Variants in SH3BP5 observed in about 807,000 individuals in gnomAD.
SH3BP5 encodes the protein SH3 domain binding protein 5.
A neutral mutation model predicts 43.3 loss-of-function variants in SH3BP5; 22 were observed. The ratio of observed to expected loss-of-function variants is 0.51; its 90% CI spans 0.36 to 0.73. The LOEUF is 0.73. SH3BP5 is among the 30% of genes least tolerant of loss of function. The pLI, the probability that SH3BP5 is intolerant of heterozygous loss-of-function variation, is 0.00. For missense variants in SH3BP5, 529 were observed against 586.9 expected, an observed-to-expected ratio of 0.90 and a Z score of 1.02; for synonymous variants, 255 against 225.8, an observed-to-expected ratio of 1.13 and a Z score of -1.16.
chr3:15,327,031 C>T (rs920395412), intron 2 of SH3BP5, among the ~76,000 whole-genome samples: 3 of 152,176 alleles, frequency 2.0e-5, no homozygotes, highest in African/African-American at 7.2e-5. Flanking sequence ...GTTCCGTATT[C>T]ACTAATTCAG....
intron 3 of SH3BP5, among the ~76,000 whole-genome samples, chr3:15,283,575 T>A (rs769238053): frequency 1.3e-5 from 2 of 152,214 alleles, no homozygotes; most frequent in Non-Finnish European, 2.9e-5. Flanking sequence ...ATGGCCCCAA[T>A]AGCCTGTTAG....
chr3:15,301,724 G>A (rs1225601614), intron 3 of SH3BP5, among the ~76,000 whole-genome samples: 1 of 152,104 alleles, frequency 6.6e-6, no homozygotes, highest in Non-Finnish European at 1.5e-5. Flanking sequence ...CAGAGGGAAA[G>A]GCAAGTCCAA....
At chr3:15,330,830 T>C (rs575974162) in intron 1 of SH3BP5, 405 of 783,938 alleles carry the variant, frequency 5.2e-4, no homozygotes, top group Middle Eastern at 6.4e-4. Context: ...CTATTCCAGG[T>C]ACATGCCTTC....
intron 3 of SH3BP5, among the ~76,000 whole-genome samples, chr3:15,300,017 C>A (rs562094586): frequency 6.6e-6 from 1 of 152,210 alleles, no homozygotes; most frequent in Non-Finnish European, 1.5e-5. Context: ...CATCACCCCC[C>A]CAAATACTTT....
At chr3:15,327,127 C>T (rs546054045) in intron 2 of SH3BP5, among the ~76,000 whole-genome samples, 103 of 152,236 alleles carry the variant, frequency 6.8e-4, no homozygotes, top group Middle Eastern at 3.4e-3. Flanking sequence ...CTTTGGGAGG[C>T]TGAGACAGCA....
intron 4 of SH3BP5, among the ~76,000 whole-genome samples, chr3:15,263,455 G>C (rs181148869): frequency 1.9e-4 from 29 of 152,346 alleles, no homozygotes; most frequent in Non-Finnish European, 2.6e-4. Flanking sequence ...GTGCACAGAA[G>C]AACTCAGGAT....
At chr3:15,286,748 G>A (rs907171766) in intron 3 of SH3BP5, among the ~76,000 whole-genome samples, 1 of 152,056 alleles carries the variant, frequency 6.6e-6, no homozygotes, top group Non-Finnish European at 1.5e-5. Flanking sequence ...GTTTTGCCAC[G>A]TTGCCCAGGC....
chr3:15,304,426 T>A, intron 2 of SH3BP5, 195 bp from the exon 3 acceptor site: 1 of 810,452 alleles, frequency 1.2e-6, no homozygotes, highest in Non-Finnish European at 2.0e-6. Context: ...CGTCCTGTGC[T>A]CTGCACAGTG....
chr3:15,314,364 C>T (rs1458702536), intron 2 of SH3BP5, among the ~76,000 whole-genome samples: 1 of 152,046 alleles, frequency 6.6e-6, no homozygotes, highest in Non-Finnish European at 1.5e-5. Flanking sequence ...AGGATGCCTT[C>T]CCTCCCGCCT....
At chr3:15,304,580 C>A (rs1217052554) in intron 2 of SH3BP5, among the ~76,000 whole-genome samples, 2 of 152,030 alleles carry the variant, frequency 1.3e-5, no homozygotes, top group African/African-American at 4.8e-5. Flanking sequence ...TTTGGGAGGC[C>A]GAGGCAGGCC....
rs1221550045 is a variant in SH3BP5 at position 15,332,579 on chromosome 3, G to A, written c.-171C>T. On this transcript the variant is annotated 5_prime_UTR_variant, in exon 1 of 9. Coordinates refer to ENST00000383791, the MANE Select transcript of SH3BP5 (RefSeq NM_004844.5). ...GATGCGGATACCTCCGGCCGCGGCG[G>A]AGCAGAGGAAATGGGCGCGGCCGCC... 3.6e-5 allele frequency: 44 copies of A among 1,213,704 alleles called. No homozygotes were observed. Among genetic ancestry groups the A allele is most frequent in the Non-Finnish European group, 3.1e-5 (30 of 977,694 alleles). The allele number at this position is 1,213,704 out of a possible 1,614,324, so 75.2% of individuals were successfully genotyped here.
intron 3 of SH3BP5, among the ~76,000 whole-genome samples, chr3:15,299,079 C>G (rs1418201319): frequency 6.6e-6 from 1 of 152,194 alleles, no homozygotes; most frequent in Non-Finnish European, 1.5e-5. Context: ...GATAAAATGA[C>G]AGGTCCAAAG....
In SH3BP5 at chr3:15,255,609, A is replaced by C. The variant is rs1334338552; in HGVS notation, c.*477T>G. 6.5e-6 allele frequency: 1 copy of C among 152,786 alleles called. No homozygotes were observed. The highest frequency in any genetic ancestry group is 1.5e-5 in the Non-Finnish European group (1 of 68,432). 9.5% of individuals were successfully genotyped at this position (152,786 alleles called of 1,614,324 possible). On this transcript the variant is annotated 3_prime_UTR_variant, in exon 9 of 9. Transcript: ENST00000383791. ...TTTTTAAGCCTCCACTGGGTCAAAA[A>C]TATGTGCTCTTAATACTTGAGTTTT...
At chr3:15,297,980 T>C (rs974728613) in intron 3 of SH3BP5, among the ~76,000 whole-genome samples, 1 of 151,594 alleles carries the variant, frequency 6.6e-6, no homozygotes, top group Non-Finnish European at 1.5e-5. Context: ...TTTCTTTTTT[T>C]TTTTTTTTTT....
chr3:15,322,315 GT>G (rs533811280), intron 2 of SH3BP5, among the ~76,000 whole-genome samples: 2,804 of 151,984 alleles, frequency 0.018, 29 homozygotes, highest in African/African-American at 0.036. Flanking sequence ...TTTATGTATA[GT>G]TTTTTTTCCC....
At chr3:15,283,501 C>G (rs1697184832) in intron 3 of SH3BP5, among the ~76,000 whole-genome samples, 1 of 152,184 alleles carries the variant, frequency 6.6e-6, no homozygotes, top group African/African-American at 2.4e-5. Context: ...GCTCATGGTC[C>G]CTTAAAGCCC....
At chr3:15,261,633 G>C (rs1389372101) in intron 5 of SH3BP5, among the ~76,000 whole-genome samples, 1 of 151,768 alleles carries the variant, frequency 6.6e-6, no homozygotes, top group Admixed American at 6.6e-5. Context: ...AGGGTACACA[G>C]TTGTGCCTGC....
intron 3 of SH3BP5, among the ~76,000 whole-genome samples, chr3:15,270,481 A>G (rs942017971): frequency 1.3e-5 from 2 of 152,194 alleles, no homozygotes; most frequent in African/African-American, 4.8e-5. Flanking sequence ...CGACAGGCCA[A>G]GTATGGCACC....
At position 15,256,093 on chromosome 3, in the gene SH3BP5, A is replaced by G. The variant is rs747869179; in HGVS notation, c.1361T>C (p.Ile454Thr). Residue 454 changes from isoleucine to threonine, a missense_variant, in exon 9 of 9, where the codon ATT (isoleucine) becomes ACT (threonine). Ile to Thr is a moderately conservative substitution (Grantham distance 89). Around this residue, in one of 3 missense-constraint regions of SH3BP5, gnomAD observed 369 missense variants for 384.3 expected, o/e 0.96. Transcript: ENST00000383791. ...GCCAGGGCCCAGGATGAATCAGCCA[A>G]TCTGCACCATTTTTATGTCAGCAAT... is the stretch of plus-strand genomic sequence containing the variant. ...GIIADIKMVQ[I>T]G The G allele has an allele frequency of 6.8e-6, 11 of 1,613,384 alleles. No homozygotes were observed. In the South Asian group the frequency reaches 7.7e-5, roughly 11 times the overall value.
Sources: allele counts gnomAD v4.1 joint callset (sites outside exome capture counted in the v4.1 genomes callset), GRCh38; gene constraint gnomAD v4.1.1; regional missense constraint gnomAD v4.1.1; transcripts MANE v1.5; gene names NCBI Gene and HGNC (gene_info 2026-07-23, HGNC 2026-07-21).